Variants in CCDC77 observed in about 807,000 individuals in gnomAD.
CCDC77 encodes the protein coiled-coil domain-containing protein 77.
In CCDC77, 56 loss-of-function variants were observed where a neutral mutation model predicts 66.8. The ratio of observed to expected loss-of-function variants is 0.84; its 90% CI spans 0.68 to 1.05. CCDC77 has a LOEUF of 1.05. Ranked by LOEUF, CCDC77 falls within the 50% of genes least tolerant of loss-of-function variation. The pLI, the probability that CCDC77 is intolerant of heterozygous loss-of-function variation, is 0.00. For synonymous variants in CCDC77, 196 were observed against 195.2 expected, an observed-to-expected ratio of 1.00 and a Z score of -0.03; for missense variants, 570 against 576.8, an observed-to-expected ratio of 0.99 and a Z score of 0.12.
Position 404,517 on chromosome 12 carries a change from C to T in CCDC77, c.-70-994C>T, listed in dbSNP as rs1224096935. 2.0e-5 allele frequency among the ~76,000 whole-genome samples: 3 copies of T among 152,054 alleles called. No homozygotes were observed. In the East Asian group the frequency reaches 5.8e-4, roughly 29 times the overall value. On this transcript the variant is annotated intron_variant, in intron 1 of 12. Transcript: ENST00000239830. ...GCTCAGTGGCTCATGCCTGTAATCTCAGCACTTTGGAAGGCCAAGGGAGGA... is the reference window on the plus strand; with the variant it reads ...GCTCAGTGGCTCATGCCTGTAATCTTAGCACTTTGGAAGGCCAAGGGAGGA...
At chr12:425,279 C>G (rs1565572944) in intron 5 of CCDC77, among the ~76,000 whole-genome samples, 1 of 135,124 alleles carries the variant, frequency 7.4e-6, no homozygotes, top group African/African-American at 3.7e-5. Flanking sequence ...CCGTTTTTAG[C>G]AGGATCTACT....
At chr12:399,822 T>G (rs1944873973), upstream of CCDC77, among the ~76,000 whole-genome samples, 1 of 152,232 alleles carries the variant, frequency 6.6e-6, no homozygotes, top group African/African-American at 2.4e-5. Context: ...ATTTCAGGGA[T>G]GTAAATGGGC....
chr12:424,498 A>AT (rs1188095892), intron 5 of CCDC77, among the ~76,000 whole-genome samples: 2 of 146,264 alleles, frequency 1.4e-5, no homozygotes, highest in Admixed American at 6.9e-5. Context: ...TCTTTTTTTC[A>AT]TTTTTTTGTA....
intron 9 of CCDC77, chr12:436,726 T>C: frequency 1.0e-6 from 1 of 973,954 alleles, no homozygotes; most frequent in Non-Finnish European, 1.2e-6. Flanking sequence ...TAACCTTCCT[T>C]GTTTAGCGTT....
chr12:396,044 T>C (rs946012936), intron 1 of CCDC77, among the ~76,000 whole-genome samples: 8 of 152,062 alleles, frequency 5.3e-5, no homozygotes, highest in African/African-American at 9.7e-5. Context: ...AGCAAGACCT[T>C]GTCTCTAAAA....
At chr12:406,623 G>A (rs903390832) in intron 2 of CCDC77, among the ~76,000 whole-genome samples, 1 of 152,174 alleles carries the variant, frequency 6.6e-6, no homozygotes, top group African/African-American at 2.4e-5. Context: ...TTAATGTGTT[G>A]AGAATACATT....
chr12:442,026 G>C lies in CCDC77; in HGVS notation c.*106G>C. The C allele has an allele frequency of 8.4e-7, 1 of 1,192,606 alleles. No homozygotes were observed. The highest frequency in any genetic ancestry group is 1.4e-5 in the South Asian group (1 of 73,746). 73.9% of individuals were successfully genotyped at this position (1,192,606 alleles called of 1,614,324 possible). A position where few individuals can be genotyped will look rare whatever the true frequency, so the allele number is the denominator to read the frequency against. ...ATGTAAACCTGAGTTGACTAGAGTG[G>C]TGGTATTCATTATTGTAAAGACAGC... is the stretch of plus-strand genomic sequence containing the variant. On this transcript the variant is annotated 3_prime_UTR_variant, in exon 13 of 13. Transcript: ENST00000239830.
At chr12:400,386 C>T (rs10774163), upstream of CCDC77, among the ~76,000 whole-genome samples, 106,503 of 152,182 alleles carry the variant, frequency 0.7, 37,789 homozygotes, top group Admixed American at 0.8. Flanking sequence ...GCATGCACAA[C>T]TTGGCTAACT....
chr12:415,374 C>T (rs7972886), intron 4 of CCDC77, among the ~76,000 whole-genome samples: 41,790 of 103,526 alleles, frequency 0.4, 10,657 homozygotes, highest in East Asian at 0.61. Flanking sequence ...TTAATATAAT[C>T]AACATAATAT....
At chr12:404,102 A>C (rs1944948425) in intron 1 of CCDC77, among the ~76,000 whole-genome samples, 1 of 152,140 alleles carries the variant, frequency 6.6e-6, no homozygotes, top group Non-Finnish European at 1.5e-5. Context: ...GGATCATCTG[A>C]GGTCAGGAGT....
intron 8 of CCDC77, among the ~76,000 whole-genome samples, 167 bp from the exon 9 acceptor site, chr12:433,007 T>G (rs994465567): frequency 6.6e-6 from 1 of 152,170 alleles, no homozygotes; most frequent in African/African-American, 2.4e-5. Flanking sequence ...CACTCCAGCC[T>G]GGGGGACAGA....
chr12:404,196 A>G (rs1944950926), intron 1 of CCDC77, among the ~76,000 whole-genome samples: 1 of 152,188 alleles, frequency 6.6e-6, no homozygotes, highest in South Asian at 2.1e-4. Context: ...GGTGCCTGTA[A>G]TCCCAGCCAC....
At chr12:405,945 G>T (rs1278243842) in intron 2 of CCDC77, among the ~76,000 whole-genome samples, 3 of 144,818 alleles carry the variant, frequency 2.1e-5, no homozygotes, top group African/African-American at 7.7e-5. Context: ...TTAAGAGAGG[G>T]TCTCACTCTG....
At chr12:422,469 C>T (rs1360009326) in intron 5 of CCDC77, among the ~76,000 whole-genome samples, 1 of 152,240 alleles carries the variant, frequency 6.6e-6, no homozygotes, top group Non-Finnish European at 1.5e-5. Context: ...CACTATGCTA[C>T]TTTTCGTCTC....
intron 7 of CCDC77, among the ~76,000 whole-genome samples, chr12:431,038 C>T (rs1945639289): frequency 6.9e-6 from 1 of 144,728 alleles, no homozygotes; most frequent in Admixed American, 7.0e-5. Flanking sequence ...TGAGATCGTG[C>T]CATTGCGTGA....
At chr12:425,876 T>G (rs1279095988) in intron 5 of CCDC77, among the ~76,000 whole-genome samples, 1 of 152,194 alleles carries the variant, frequency 6.6e-6, no homozygotes, top group Admixed American at 6.5e-5. Flanking sequence ...TTTGTTTGTT[T>G]GTTTTTGAGA....
chr12:396,293 G>T (rs1388394493), intron 1 of CCDC77, among the ~76,000 whole-genome samples: 1 of 152,078 alleles, frequency 6.6e-6, no homozygotes, highest in East Asian at 1.9e-4. Flanking sequence ...TTGGGAGGCT[G>T]AGCCCAGAGA....
intron 4 of CCDC77, among the ~76,000 whole-genome samples, chr12:412,512 G>A (rs1945132641): frequency 6.6e-6 from 1 of 152,188 alleles, no homozygotes; most frequent in African/African-American, 2.4e-5. Context: ...ATTCTTTGTT[G>A]TGAGGGGTTG....
chr12:416,365 GTGTGTGTGTGTGTATATATATATATA>G (rs1401666650), intron 4 of CCDC77, among the ~76,000 whole-genome samples: 4 of 38,880 alleles, frequency 1.0e-4, no homozygotes, highest in Non-Finnish European at 1.8e-4. Context: ...GTGTGTGTGT[GTGTGTGTGTGTGTATATATATATATA>G]TATATATATA....
Sources: gnomAD v4.1 joint callset for allele counts (sites outside exome capture counted in the v4.1 genomes callset) on GRCh38, gnomAD v4.1.1 for gene constraint, MANE v1.5 for transcripts, NCBI Gene and HGNC (gene_info 2026-07-23, HGNC 2026-07-21) for gene names.